The following PTPRD variants were observed in gnomAD, a reference collection of about 807,000 sequenced individuals.
PTPRD encodes the protein receptor-type tyrosine-protein phosphatase delta.
In PTPRD, 34 loss-of-function variants were observed where a neutral mutation model predicts 214.5. The observed-to-expected ratio is 0.16, with a 90% CI of 0.12 to 0.21. PTPRD has a LOEUF of 0.21. Ranked by LOEUF, PTPRD falls within the 10% of genes least tolerant of loss-of-function variation. The probability of loss-of-function intolerance (pLI) is 1.00; values close to 1 mark genes in which losing one functional copy is unlikely to be tolerated. For missense variants in PTPRD, 2,545 were observed against 2,398.7 expected, an observed-to-expected ratio of 1.06 and a Z score of -1.27; for synonymous variants, 1,128 against 845.7, an observed-to-expected ratio of 1.33 and a Z score of -5.79.
At chr9:8,840,832 C>T (rs940873839) in intron 11 of PTPRD, among the ~76,000 whole-genome samples, 3 of 152,098 alleles carry the variant, frequency 2.0e-5, no homozygotes, top group African/African-American at 7.2e-5. Context: ...GGTTTTGGCA[C>T]CAATTCTATC....
At position 9,918,629 on chromosome 9, in the gene PTPRD, G is replaced by A. The variant is rs140978764; in HGVS notation, c.-368+19878C>T. On this transcript the variant is annotated intron_variant, in intron 5 of 45. Coordinates refer to ENST00000381196, the MANE Select transcript of PTPRD (RefSeq NM_002839.4). Reference sequence around the variant, plus strand: ...GAGACAAAACAGCAAAACTGAAGGCGTGACGCTACCAGACTTCAAAATACA... The same window carrying A: ...GAGACAAAACAGCAAAACTGAAGGCATGACGCTACCAGACTTCAAAATACA... Among the ~76,000 whole-genome samples the A allele has an allele frequency of 4.7e-3, 717 of 152,152 alleles. 4 individuals carry two copies. The highest frequency in any genetic ancestry group is 7.4e-3 in the Non-Finnish European group (504 of 67,968).
At chr9:10,594,237 A>G (rs191080920) in intron 2 of PTPRD, among the ~76,000 whole-genome samples, 1 of 151,486 alleles carries the variant, frequency 6.6e-6, no homozygotes, top group East Asian at 1.9e-4. Context: ...TTTTCTATGC[A>G]TTTCCCTTAA....
chr9:9,370,141 T>C (rs1596499705), intron 9 of PTPRD, among the ~76,000 whole-genome samples: 2 of 152,166 alleles, frequency 1.3e-5, no homozygotes, highest in East Asian at 1.9e-4. Flanking sequence ...TTTCCAATTC[T>C]GTGAAGAAAG....
intron 2 of PTPRD, among the ~76,000 whole-genome samples, chr9:10,490,570 G>C (rs1455047660): frequency 1.3e-5 from 2 of 151,318 alleles, no homozygotes; most frequent in Admixed American, 1.3e-4. Flanking sequence ...CATTTCTTAA[G>C]TTTATTTGTC....
intron 10 of PTPRD, among the ~76,000 whole-genome samples, chr9:9,157,888 G>A (rs1302522396): frequency 6.6e-6 from 1 of 151,978 alleles, no homozygotes; most frequent in Admixed American, 6.6e-5. Context: ...CCCCCCAACA[G>A]TTGCCCACAG....
At chr9:9,119,114 C>G (rs943231977) in intron 10 of PTPRD, among the ~76,000 whole-genome samples, 2 of 152,124 alleles carry the variant, frequency 1.3e-5, no homozygotes, top group African/African-American at 2.4e-5. Flanking sequence ...CTTGTATGTT[C>G]TTTAGTATGT....
chr9:8,329,535 C>T (rs80327445), intron 44 of PTPRD, among the ~76,000 whole-genome samples: 6,496 of 152,172 alleles, frequency 0.043, 191 homozygotes, highest in South Asian at 0.16. Context: ...TATCAGAGCT[C>T]GAACACTGCA....
At chr9:9,221,307 G>C (rs192846956) in intron 9 of PTPRD, among the ~76,000 whole-genome samples, 40 of 152,234 alleles carry the variant, frequency 2.6e-4, no homozygotes, top group African/African-American at 9.4e-4. Context: ...GAGAAAACTT[G>C]CTTCTGGTTA....
chr9:9,361,485 C>T (rs1337247780), intron 9 of PTPRD, among the ~76,000 whole-genome samples: 1 of 150,962 alleles, frequency 6.6e-6, no homozygotes, highest in East Asian at 2.0e-4. Context: ...TTAAAATGCA[C>T]CATGGCTCTT....
intron 10 of PTPRD, among the ~76,000 whole-genome samples, chr9:9,147,678 C>G (rs967588881): frequency 1.3e-5 from 2 of 152,110 alleles, no homozygotes; most frequent in African/African-American, 4.8e-5. Context: ...TGAGCAATTG[C>G]TTGCCACAGA....
rs1334844847 is a variant in PTPRD, at chr9:9,467,492, C to T, written c.-236-70010G>A. Among the ~76,000 whole-genome samples, 7 of 146,892 alleles carry T rather than the reference C, an allele frequency of 4.8e-5. No individual in the cohort carries two copies. In the Admixed American group the frequency reaches 4.9e-4, roughly 10 times the overall value. ...GTCCCAGCTACTCGAGAGGCTGAGG[C>T]AGTAGAATTGCTTGAACCCAGGAAG... On this transcript the variant is annotated intron_variant, in intron 8 of 45. Transcript: ENST00000381196.
At chr9:8,673,359 T>G (rs577733367) in intron 12 of PTPRD, among the ~76,000 whole-genome samples, 1 of 152,220 alleles carries the variant, frequency 6.6e-6, no homozygotes, top group Admixed American at 6.5e-5. Flanking sequence ...TGCCTAATTA[T>G]AAGCTTAAAA....
At chr9:10,504,197 G>A (rs977113076) in intron 2 of PTPRD, among the ~76,000 whole-genome samples, 11 of 147,420 alleles carry the variant, frequency 7.5e-5, no homozygotes, top group African/African-American at 2.5e-4. Context: ...GCCAAAGGCG[G>A]TAACTATTGC....
At chr9:9,710,006 A>G (rs930856482) in intron 7 of PTPRD, among the ~76,000 whole-genome samples, 1 of 152,050 alleles carries the variant, frequency 6.6e-6, no homozygotes, top group Non-Finnish European at 1.5e-5. Flanking sequence ...CATCATGCTG[A>G]TTACATCCAA....
intron 5 of PTPRD, among the ~76,000 whole-genome samples, chr9:9,771,269 T>C (rs1281482288): frequency 1.3e-5 from 2 of 152,200 alleles, no homozygotes; most frequent in Non-Finnish European, 2.9e-5. Context: ...CTCATCACTG[T>C]CTATTTCTTT....
At chr9:9,776,446 A>T (rs531412373) in intron 5 of PTPRD, among the ~76,000 whole-genome samples, 15 of 152,292 alleles carry the variant, frequency 9.8e-5, no homozygotes, top group Admixed American at 7.2e-4. Context: ...AGCCCTAATA[A>T]ACTTTGCTTT....
At chr9:9,867,019 A>G (rs1484735682) in intron 5 of PTPRD, among the ~76,000 whole-genome samples, 2 of 152,152 alleles carry the variant, frequency 1.3e-5, no homozygotes, top group Admixed American at 6.5e-5. Context: ...ATTCAAACTT[A>G]GTACTTAGAC....
chr9:8,824,266 T>C (rs1257156971), intron 11 of PTPRD, among the ~76,000 whole-genome samples: 2 of 152,188 alleles, frequency 1.3e-5, no homozygotes, highest in African/African-American at 4.8e-5. Flanking sequence ...TTGCTGTGGT[T>C]AGCACACCTT....
chr9:10,401,126 T>G (rs1272671541), intron 2 of PTPRD, among the ~76,000 whole-genome samples: 1 of 151,700 alleles, frequency 6.6e-6, no homozygotes, highest in Non-Finnish European at 1.5e-5. Context: ...TTACTCTACA[T>G]ACCAATTTTT....
Sources: gnomAD v4.1 joint callset for allele counts (sites outside exome capture counted in the v4.1 genomes callset) on GRCh38, gnomAD v4.1.1 for gene constraint, MANE v1.5 for transcripts, NCBI Gene and HGNC (gene_info 2026-07-23, HGNC 2026-07-21) for gene names.